Variants in TXNDC16 observed in about 807,000 individuals in gnomAD.
The protein encoded by TXNDC16 is thioredoxin domain-containing protein 16.
TXNDC16 carries 74 observed loss-of-function variants against 85.6 expected under a neutral mutation model. The ratio of observed to expected loss-of-function variants is 0.86; its 90% CI spans 0.72 to 1.05. TXNDC16 has a LOEUF of 1.05. TXNDC16 is among the 50% of genes least tolerant of loss of function. TXNDC16 has a pLI of 0.00. For synonymous variants in TXNDC16, 335 were observed against 326.5 expected (o/e 1.03, Z -0.28); for missense variants, 959 against 947.0 (o/e 1.01, Z -0.17).
intron 12 of TXNDC16, among the ~76,000 whole-genome samples, chr14:52,484,084 T>C (rs2036209643): frequency 6.6e-6 from 1 of 152,106 alleles, no homozygotes; most frequent in Non-Finnish European, 1.5e-5. Flanking sequence ...ATTTTTTAGA[T>C]GTAATAATAG....
At chr14:52,513,648 CTGTG>C (rs10533128) in intron 8 of TXNDC16, among the ~76,000 whole-genome samples, 83 of 148,484 alleles carry the variant, frequency 5.6e-4, no homozygotes, top group African/African-American at 1.8e-3. Context: ...TATACATATT[CTGTG>C]TGTGTGTGTG....
At position 52,461,091 on chromosome 14, in the gene TXNDC16, ACTT is replaced by A. The variant is rs200411859; in HGVS notation, c.1619-3920_1619-3918del. Among the ~76,000 whole-genome samples, 1,272 of 151,422 alleles carry A rather than the reference ACTT, an allele frequency of 8.4e-3. 16 individuals carry two copies. Among genetic ancestry groups the A allele is most frequent in the African/African-American group, 0.028 (1,172 of 41,450 alleles). The stretch of plus-strand genomic sequence containing the variant: ...TTTAATTTGAAACAATCTTTAAATA[ACTT>A]CTTTTTTTCTCACATTTTTATGCCT... On this transcript the variant is annotated intron_variant, in intron 16 of 20. Coordinates refer to ENST00000281741, the MANE Select transcript of TXNDC16 (RefSeq NM_020784.3).
intron 15 of TXNDC16, 152 bp downstream of exon 15, chr14:52,470,360 G>T: frequency 2.0e-6 from 2 of 1,018,688 alleles, no homozygotes; most frequent in Non-Finnish European, 2.8e-6. Flanking sequence ...CCCGAAAAGT[G>T]TTGAAATGTA....
At position 52,511,358 on chromosome 14, in the gene TXNDC16, A is replaced by C; in HGVS notation, c.638T>G (p.Phe213Cys). Reference sequence around the variant, plus strand: ...GTCCAAGACTAGTTTACAATGAAAAAAGTAGAGATGTGCATATTCCACATC... The same window carrying C: ...GTCCAAGACTAGTTTACAATGAAAACAGTAGAGATGTGCATATTCCACATC... The part of the protein sequence containing the change: ...SEDVEYAHLY[F>C]FHCKLVLDLT... Residue 213 changes from phenylalanine to cysteine, a missense_variant, in exon 9 of 21, where the codon TTT (phenylalanine) becomes TGT (cysteine). Physicochemically the swap from Phe to Cys is radical, Grantham distance 205. Transcript: ENST00000281741. 1 of 1,603,636 alleles carries C rather than the reference A, an allele frequency of 6.2e-7. No individual in the cohort carries two copies.
At chr14:52,538,371 C>T (rs1410449018) in intron 4 of TXNDC16, among the ~76,000 whole-genome samples, 1 of 152,086 alleles carries the variant, frequency 6.6e-6, no homozygotes, top group Non-Finnish European at 1.5e-5. Context: ...AGCAGCCATA[C>T]CAGCCCTGGA....
intron 7 of TXNDC16, among the ~76,000 whole-genome samples, chr14:52,515,686 TG>T (rs2037067351): frequency 6.6e-6 from 1 of 151,450 alleles, no homozygotes. Context: ...TGTGTGTGTG[TG>T]TGTGTGTGTG....
intron 6 of TXNDC16, among the ~76,000 whole-genome samples, chr14:52,522,406 A>G (rs1046431969): frequency 6.6e-6 from 1 of 152,194 alleles, no homozygotes; most frequent in Non-Finnish European, 1.5e-5. Context: ...GCAGAGCCCA[A>G]GTGAAAGCTG....
At chr14:52,466,691 C>A (rs890784611) in intron 16 of TXNDC16, among the ~76,000 whole-genome samples, 1 of 151,672 alleles carries the variant, frequency 6.6e-6, no homozygotes, top group East Asian at 1.9e-4. Flanking sequence ...GCGTTAAAAC[C>A]CCGTCTCTAT....
chr14:52,478,646 T>A (rs10162539), intron 14 of TXNDC16, among the ~76,000 whole-genome samples: 77,938 of 151,770 alleles, frequency 0.51, 21,012 homozygotes, highest in East Asian at 0.71. Flanking sequence ...CAGTGCAATA[T>A]CAACCAGTGA....
At chr14:52,525,445 A>C (rs1206547205) in intron 6 of TXNDC16, among the ~76,000 whole-genome samples, 2 of 151,748 alleles carry the variant, frequency 1.3e-5, no homozygotes, top group African/African-American at 2.4e-5. Context: ...TAATCCCAAC[A>C]CTTTAGGAGG....
chr14:52,514,000 A>G lies in TXNDC16; in HGVS notation c.605+880T>C, dbSNP rs1363533451. 8.5e-5 allele frequency among the ~76,000 whole-genome samples: 13 copies of G among 152,128 alleles called. 1 individual carries two copies. The highest frequency in any genetic ancestry group is 8.5e-4 in the Admixed American group (13 of 15,260). ...ATCCATTTTATTTAACTCATTAATG[A>G]CAAAATCAGCAGAATGAGACAGGTC... On this transcript the variant is annotated intron_variant, in intron 8 of 20. Coordinates refer to ENST00000281741, the MANE Select transcript of TXNDC16 (RefSeq NM_020784.3).
At chr14:52,528,035 T>C (rs1465529544) in intron 6 of TXNDC16, among the ~76,000 whole-genome samples, 1 of 152,174 alleles carries the variant, frequency 6.6e-6, no homozygotes, top group Admixed American at 6.5e-5. Context: ...TCAAAAAATA[T>C]GTTTCAAATA....
In TXNDC16 at chr14:52,476,001, G is replaced by A. The variant is rs1394675386; in HGVS notation, c.1313-5321C>T. On this transcript the variant is annotated intron_variant, in intron 14 of 20. Coordinates refer to ENST00000281741, the MANE Select transcript of TXNDC16 (RefSeq NM_020784.3). ...AGACCCACAGATGGTTGACACCACA[G>A]GACTCTGTGTAGACAACCCCAAGTA... 4.6e-5 allele frequency among the ~76,000 whole-genome samples: 7 copies of A among 152,316 alleles called. No individual in the cohort carries two copies. In the South Asian group the frequency reaches 1.5e-3, roughly 32 times the overall value.
intron 9 of TXNDC16, among the ~76,000 whole-genome samples, chr14:52,504,155 T>G (rs567736737): frequency 1.3e-5 from 2 of 152,294 alleles, no homozygotes; most frequent in East Asian, 3.9e-4. Context: ...TGCAGGATAT[T>G]ACCCAGGAGA....
Position 52,514,923 on chromosome 14 carries a change from G to A in TXNDC16, c.562C>T (p.Gln188Ter). The change falls in exon 8 of 21, where the codon CAA becomes TAA. Residue 188 changes from glutamine (Q) to a stop codon, truncating the protein, a stop_gained. Coordinates refer to ENST00000281741, the MANE Select transcript of TXNDC16 (RefSeq NM_020784.3). LOFTEE classifies it high-confidence loss of function. The part of the protein sequence containing the change: ...EAAFVYGTTY[Q>*]FVLTTEIALL... ...GCAATTTCTGTGGTTAAGACAAATT[G>A]GTATGTAGTCCCATACACAAAAGCG... The A allele has an allele frequency of 6.2e-7, 1 of 1,612,552 alleles. No individual in the cohort carries two copies. The highest frequency in any genetic ancestry group is 8.5e-7 in the Non-Finnish European group (1 of 1,178,990).
intron 1 of TXNDC16, among the ~76,000 whole-genome samples, chr14:52,550,223 A>C (rs1483857914): frequency 1.3e-5 from 2 of 152,206 alleles, no homozygotes; most frequent in Admixed American, 6.5e-5. Flanking sequence ...CTCAGGAAAA[A>C]GACACACTTC....
chr14:52,488,868 C>G (rs991973159), intron 11 of TXNDC16, among the ~76,000 whole-genome samples: 1 of 138,156 alleles, frequency 7.2e-6, no homozygotes, highest in African/African-American at 2.7e-5. Context: ...ACTTGTTTGA[C>G]ACTAAAATAA....
chr14:52,541,957 G>C (rs900028639), intron 4 of TXNDC16, among the ~76,000 whole-genome samples: 1 of 152,018 alleles, frequency 6.6e-6, no homozygotes, highest in African/African-American at 2.4e-5. Context: ...TAGAAGAACA[G>C]AAAAAAATTA....
chr14:52,538,270 C>T (rs980848826), intron 4 of TXNDC16, among the ~76,000 whole-genome samples: 2 of 152,146 alleles, frequency 1.3e-5, no homozygotes, highest in African/African-American at 2.4e-5. Context: ...GGAGTACCAA[C>T]AGCAATCACG....
Sources: allele counts gnomAD v4.1 joint callset (sites outside exome capture counted in the v4.1 genomes callset), GRCh38; gene constraint gnomAD v4.1.1; transcripts MANE v1.5; gene names NCBI Gene and HGNC (gene_info 2026-07-23, HGNC 2026-07-21).